Variants in TMEM163 observed in about 807,000 individuals in gnomAD.
The protein encoded by TMEM163 is transmembrane protein 163.
TMEM163 carries 17 observed loss-of-function variants against 29.3 expected under a neutral mutation model. That is an observed-to-expected ratio of 0.58 (90% confidence interval 0.40 to 0.87). TMEM163 has a LOEUF of 0.87. Ranked by LOEUF, TMEM163 falls within the 40% of genes least tolerant of loss-of-function variation. The pLI is 0.00. For missense variants in TMEM163, 303 were observed against 381.5 expected, an observed-to-expected ratio of 0.79 and a Z score of 1.71; for synonymous variants, 157 against 160.6, an observed-to-expected ratio of 0.98 and a Z score of 0.17.
chr2:134,508,467 G>A (rs1679875911), intron 4 of TMEM163, among the ~76,000 whole-genome samples: 1 of 151,422 alleles, frequency 6.6e-6, no homozygotes, highest in African/African-American at 2.4e-5. Flanking sequence ...CCTAATGCTG[G>A]TTTTCTCCAG....
chr2:134,590,470 T>C (rs567534475), intron 2 of TMEM163, among the ~76,000 whole-genome samples: 14 of 152,276 alleles, frequency 9.2e-5, no homozygotes, highest in African/African-American at 3.4e-4. Flanking sequence ...GTCAGTATTA[T>C]TTCTTCTGTG....
intron 4 of TMEM163, among the ~76,000 whole-genome samples, chr2:134,542,347 C>G (rs1680694312): frequency 6.6e-6 from 1 of 152,154 alleles, no homozygotes; most frequent in South Asian, 2.1e-4. Flanking sequence ...CGTGGAGTCA[C>G]AGAGCAGGTA....
intron 2 of TMEM163, among the ~76,000 whole-genome samples, chr2:134,695,912 C>G (rs936265988): frequency 6.6e-6 from 1 of 151,932 alleles, no homozygotes; most frequent in South Asian, 2.1e-4. Context: ...ATTAGCCAGG[C>G]GTGGTGGTGG....
chr2:134,546,278 C>G (rs1175914203), intron 4 of TMEM163, among the ~76,000 whole-genome samples: 4 of 152,186 alleles, frequency 2.6e-5, no homozygotes, highest in Non-Finnish European at 5.9e-5. Context: ...CAGCATTATT[C>G]ACAATAGCCA....
chr2:134,511,106 C>G (rs964488501), intron 4 of TMEM163, among the ~76,000 whole-genome samples: 10 of 140,210 alleles, frequency 7.1e-5, no homozygotes, highest in African/African-American at 2.6e-4. Flanking sequence ...CATGAACACC[C>G]TGTACATTAT....
chr2:134,711,969 C>A (rs1217097752), intron 2 of TMEM163, among the ~76,000 whole-genome samples: 2 of 152,146 alleles, frequency 1.3e-5, no homozygotes, highest in African/African-American at 4.8e-5. Flanking sequence ...CAAATTATCC[C>A]CTAGGGACAT....
intron 5 of TMEM163, among the ~76,000 whole-genome samples, chr2:134,481,941 A>G (rs534440255): frequency 2.0e-5 from 3 of 152,328 alleles, no homozygotes; most frequent in Non-Finnish European, 4.4e-5. Context: ...CAACGTGCTC[A>G]GCAGGAATGA....
chr2:134,524,332 T>A (rs1409307468), intron 4 of TMEM163, among the ~76,000 whole-genome samples: 2 of 134,448 alleles, frequency 1.5e-5, no homozygotes, highest in Non-Finnish European at 3.3e-5. Context: ...GTTTTTGTTT[T>A]TTAATATCGA....
intron 2 of TMEM163, among the ~76,000 whole-genome samples, chr2:134,585,839 A>G (rs183555959): frequency 1.0e-3 from 152 of 152,348 alleles, no homozygotes; most frequent in African/African-American, 3.2e-3. Flanking sequence ...CATAAAGCAA[A>G]ATTGGAATAT....
intron 1 of TMEM163, among the ~76,000 whole-genome samples, chr2:134,716,184 A>G (rs915761869): frequency 6.6e-6 from 1 of 152,214 alleles, no homozygotes; most frequent in Non-Finnish European, 1.5e-5. Context: ...TGATGGGAAA[A>G]TACTTGTAGG....
At chr2:134,598,022 T>C (rs897326627) in intron 2 of TMEM163, among the ~76,000 whole-genome samples, 1 of 152,234 alleles carries the variant, frequency 6.6e-6, no homozygotes, top group African/African-American at 2.4e-5. Context: ...TTAGTCTTGC[T>C]AGCAGTCTAT....
chr2:134,619,986 C>G (rs930922459), intron 2 of TMEM163, among the ~76,000 whole-genome samples: 1 of 152,098 alleles, frequency 6.6e-6, no homozygotes, highest in Admixed American at 6.6e-5. Flanking sequence ...AAGTGTAAGA[C>G]TCGTACACTA....
chr2:134,541,772 GCA>G (rs57326163), intron 4 of TMEM163, among the ~76,000 whole-genome samples: 17,237 of 149,880 alleles, frequency 0.12, 1,103 homozygotes, highest in Middle Eastern at 0.19. Flanking sequence ...GTACACACGT[GCA>G]CACACACACA....
intron 2 of TMEM163, among the ~76,000 whole-genome samples, chr2:134,582,543 T>C (rs1681721068): frequency 6.6e-6 from 1 of 152,128 alleles, no homozygotes; most frequent in African/African-American, 2.4e-5. Flanking sequence ...GCCGTCCCTG[T>C]TGAAGTTAAC....
At chr2:134,665,405 C>T (rs1184521075) in intron 2 of TMEM163, among the ~76,000 whole-genome samples, 2 of 152,114 alleles carry the variant, frequency 1.3e-5, no homozygotes, top group South Asian at 2.1e-4. Flanking sequence ...ATCATGAGAA[C>T]GGCACGGGAA....
In TMEM163 at chr2:134,486,725, A is replaced by C. The variant is rs143381744; in HGVS notation, c.555+16176T>G. Among the ~76,000 whole-genome samples the C allele has an allele frequency of 3.9e-5, 6 of 152,350 alleles. No individual in the cohort carries two copies. In the East Asian group the frequency reaches 1.2e-3, roughly 29 times the overall value. On this transcript the variant is annotated intron_variant, in intron 5 of 7. Coordinates refer to ENST00000281924, the MANE Select transcript of TMEM163 (RefSeq NM_030923.5). ...TACACCAGGGCACGGAAAAGTAGAA[A>C]AGCTGCCTAGTTCATTACATGTGGT...
intron 2 of TMEM163, among the ~76,000 whole-genome samples, chr2:134,577,581 AGGGCCAGGAGAGAG>A (rs1681587091): frequency 6.6e-6 from 1 of 152,170 alleles, no homozygotes; most frequent in Non-Finnish European, 1.5e-5. Flanking sequence ...CCAGAGGTGC[AGGGCCAGGAGAGAG>A]GGGGCAGGAA....
chr2:134,713,718 G>C (rs1684977582), intron 1 of TMEM163: 2 of 458,934 alleles, frequency 4.4e-6, no homozygotes, highest in South Asian at 3.1e-5. Context: ...CCCACATTCA[G>C]CTGGGCCTTC....
chr2:134,665,283 G>C (rs1229216465), intron 2 of TMEM163, among the ~76,000 whole-genome samples: 1 of 152,178 alleles, frequency 6.6e-6, no homozygotes, highest in Non-Finnish European at 1.5e-5. Context: ...TGACAATCAT[G>C]GCAGAAGGTC....
Sources: gnomAD v4.1 joint callset for allele counts (sites outside exome capture counted in the v4.1 genomes callset) on GRCh38, gnomAD v4.1.1 for gene constraint, MANE v1.5 for transcripts, NCBI Gene and HGNC (gene_info 2026-07-23, HGNC 2026-07-21) for gene names.